Variants in KDM4B observed in about 807,000 individuals in gnomAD.
KDM4B encodes lysine demethylase 4B, also known as lysine-specific demethylase 4B.
A neutral mutation model predicts 125.2 loss-of-function variants in KDM4B; 32 were observed. The ratio of observed to expected loss-of-function variants is 0.26; its 90% confidence interval spans 0.19 to 0.34. The LOEUF (loss-of-function observed/expected upper bound fraction) is 0.34. Among genes scored for constraint, KDM4B ranks in the 10% least tolerant of loss-of-function variants. The pLI is 1.00. For missense variants in KDM4B, 1,190 were observed against 1,577.7 expected, an observed-to-expected ratio of 0.75 and a Z score of 4.16; for synonymous variants, 721 against 677.9, an observed-to-expected ratio of 1.06 and a Z score of -0.99.
At chr19:4,991,529 G>T (rs1050208637) in intron 1 of KDM4B, among the ~76,000 whole-genome samples, 1 of 152,218 alleles carries the variant, frequency 6.6e-6, no homozygotes, top group African/African-American at 2.4e-5. Flanking sequence ...GCTTCACCCT[G>T]CTGTCTCCAG....
intron 18 of KDM4B, chr19:5,138,361 A>T: frequency 2.4e-6 from 1 of 423,862 alleles, no homozygotes; most frequent in South Asian, 2.9e-5. Flanking sequence ...CGAGCACCCC[A>T]TGCAGTTTCC....
At chr19:5,043,224 C>G (rs551163031) in intron 5 of KDM4B, among the ~76,000 whole-genome samples, 1 of 137,062 alleles carries the variant, frequency 7.3e-6, no homozygotes, top group Non-Finnish European at 1.5e-5. Context: ...CCTTATCCCA[C>G]TCTGTGTTTA....
At chr19:5,019,664 G>C (rs1406484417) in intron 2 of KDM4B, among the ~76,000 whole-genome samples, 2 of 149,292 alleles carry the variant, frequency 1.3e-5, no homozygotes, top group African/African-American at 5.0e-5. Flanking sequence ...GTGTGCAGGT[G>C]TTGGCGTGGA....
At chr19:4,995,441 G>C (rs1341450479) in intron 1 of KDM4B, among the ~76,000 whole-genome samples, 1 of 152,094 alleles carries the variant, frequency 6.6e-6, no homozygotes, top group East Asian at 1.9e-4. Context: ...ACCACATCCA[G>C]CTAATTTTTG....
intron 9 of KDM4B, among the ~76,000 whole-genome samples, chr19:5,083,358 G>C (rs952264397): frequency 1.1e-4 from 17 of 152,310 alleles, no homozygotes; most frequent in African/African-American, 3.6e-4. Context: ...TCTGCCTTGG[G>C]GTCCCAGTGA....
At chr19:5,019,490 GTGT>G (rs1262109929) in intron 2 of KDM4B, among the ~76,000 whole-genome samples, 2 of 148,308 alleles carry the variant, frequency 1.3e-5, no homozygotes, top group African/African-American at 2.5e-5. Context: ...TGGTGTGCAG[GTGT>G]TGGTGTGGAT....
At position 5,135,260 on chromosome 19, in the gene KDM4B, G is replaced by A. The variant is rs898125588; in HGVS notation, c.2086-79G>A. 6.4e-6 allele frequency: 6 copies of A among 933,914 alleles called. No individual in the cohort carries two copies. In the African/African-American group the frequency reaches 9.8e-5, roughly 15 times the overall value. The allele number at this position is 933,914 out of a possible 1,614,324, so 57.9% of individuals were successfully genotyped here. On this transcript the variant is annotated intron_variant, in intron 14 of 22. Transcript: ENST00000159111. Reference sequence around the variant, plus strand: ...GGGGGTGTCGAAGCCTGGGGCAGGTGCCCTGAGAGAGGTCCGCGCCGCCCG... The same window carrying A: ...GGGGGTGTCGAAGCCTGGGGCAGGTACCCTGAGAGAGGTCCGCGCCGCCCG...
At chr19:5,148,875 A>G (rs2039897246) in intron 21 of KDM4B, among the ~76,000 whole-genome samples, 1 of 152,212 alleles carries the variant, frequency 6.6e-6, no homozygotes, top group Non-Finnish European at 1.5e-5. Flanking sequence ...TGAGATGGGT[A>G]GGACGGGGCA....
intron 1 of KDM4B, among the ~76,000 whole-genome samples, chr19:4,980,814 AGTT>A (rs1038069127): frequency 5.3e-5 from 8 of 151,546 alleles, no homozygotes; most frequent in Non-Finnish European, 1.0e-4. Flanking sequence ...TGGGCATTTA[AGTT>A]GTTCTCATTT....
chr19:5,127,621 T>C (rs1396078514), intron 11 of KDM4B, among the ~76,000 whole-genome samples: 1 of 152,208 alleles, frequency 6.6e-6, no homozygotes, highest in Non-Finnish European at 1.5e-5. Flanking sequence ...TGTCCCACTT[T>C]GTCTCCCATG....
chr19:5,047,335 C>A, intron 5 of KDM4B, 141 bp from the exon 6 acceptor site: 1 of 722,232 alleles, frequency 1.4e-6, no homozygotes, highest in Non-Finnish European at 2.3e-6. Flanking sequence ...TATGACCGGC[C>A]CCTGGGGGGG....
intron 1 of KDM4B, among the ~76,000 whole-genome samples, chr19:4,983,920 G>A (rs111779071): frequency 0.014 from 2,198 of 152,212 alleles, 57 homozygotes; most frequent in African/African-American, 0.05. Context: ...CCAAAGTGGG[G>A]GTGGCTCTGC....
intron 1 of KDM4B, among the ~76,000 whole-genome samples, chr19:5,006,088 T>TG (rs1235711500): frequency 2.0e-5 from 3 of 152,032 alleles, no homozygotes; most frequent in Non-Finnish European, 2.9e-5. Flanking sequence ...AGAAGAAGGA[T>TG]GGGGGGCTGG....
intron 2 of KDM4B, among the ~76,000 whole-genome samples, chr19:5,024,410 G>T (rs1318816133): frequency 2.0e-5 from 3 of 152,162 alleles, no homozygotes; most frequent in Admixed American, 6.5e-5. Context: ...GTATCCTTGG[G>T]CCCAGTGTGT....
chr19:4,988,271 A>G (rs1343008730), intron 1 of KDM4B, among the ~76,000 whole-genome samples: 14 of 150,902 alleles, frequency 9.3e-5, no homozygotes, highest in African/African-American at 1.2e-4. Flanking sequence ...CTTCTCATGA[A>G]CCCTTCTTTT....
At position 5,142,998 on chromosome 19, in the gene KDM4B, A is replaced by G. The variant is rs1054767695; in HGVS notation, c.2551-969A>G. 5.3e-5 allele frequency among the ~76,000 whole-genome samples: 8 copies of G among 151,984 alleles called. No homozygotes were observed. The highest frequency in any genetic ancestry group is 5.2e-4 in the Admixed American group (8 of 15,268). On this transcript the variant is annotated intron_variant, in intron 18 of 22. Coordinates refer to ENST00000159111, the MANE Select transcript of KDM4B (RefSeq NM_015015.3). This position sits in a 1 kb window ranked among gnomAD's most constrained non-coding sequence, Gnocchi z 5.4. ...GGTGGCTCTCCGGTGCTCCCTCCTCACCAAGGAGGCTTCTCTCAGGGCTTC... is the reference window on the plus strand; with the variant it reads ...GGTGGCTCTCCGGTGCTCCCTCCTCGCCAAGGAGGCTTCTCTCAGGGCTTC...
At chr19:4,972,518 T>C (rs1043246362) in intron 1 of KDM4B, among the ~76,000 whole-genome samples, 4 of 152,154 alleles carry the variant, frequency 2.6e-5, no homozygotes, top group African/African-American at 7.2e-5. Context: ...GGGGCTGTCC[T>C]GGGCACCGTA....
Position 5,146,401 on chromosome 19 carries a change from A to T in KDM4B, c.3021+1499A>T, listed in dbSNP as rs116992689. On this transcript the variant is annotated intron_variant, in intron 21 of 22. Coordinates refer to ENST00000159111, the MANE Select transcript of KDM4B (RefSeq NM_015015.3). ...TTGAGAAGGGGGTGGTTTCGGGGAC[A>T]AGCCATCCCCATGGCCAGCCCTGTG... is the stretch of plus-strand genomic sequence containing the variant. Among the ~76,000 whole-genome samples, 136 of 152,354 alleles carry T rather than the reference A, an allele frequency of 8.9e-4. No homozygotes were observed. In the East Asian group the frequency reaches 0.023, roughly 26 times the overall value.
intron 1 of KDM4B, among the ~76,000 whole-genome samples, chr19:5,007,887 A>G (rs2035611748): frequency 6.6e-6 from 1 of 152,076 alleles, no homozygotes; most frequent in South Asian, 2.1e-4. Flanking sequence ...TTTGCAAACA[A>G]CTTTTCTTTT....
Sources: allele counts gnomAD v4.1 joint callset (sites outside exome capture counted in the v4.1 genomes callset), GRCh38; gene constraint gnomAD v4.1.1; non-coding constraint Gnocchi (gnomAD v3.1); transcripts MANE v1.5; gene names NCBI Gene and HGNC (gene_info 2026-07-23, HGNC 2026-07-21).